The following LNPEP variants were observed in gnomAD, a reference collection of about 807,000 sequenced individuals.
LNPEP encodes the protein leucyl-cystinyl aminopeptidase.
In LNPEP, 64 loss-of-function variants were observed where a neutral mutation model predicts 120.6. The observed-to-expected ratio is 0.53, with a 90% CI of 0.43 to 0.65. The LOEUF is 0.65. Ranked by LOEUF, LNPEP falls within the 30% of genes least tolerant of loss-of-function variation. The probability of loss-of-function intolerance (pLI) is 0.00; values close to 1 mark genes in which losing one functional copy is unlikely to be tolerated. For missense variants in LNPEP, 1,057 were observed against 1,200.0 expected (o/e 0.88, Z 1.76); for synonymous variants, 435 against 425.4 (o/e 1.02, Z -0.28).
chr5:97,011,248 C>G (rs1231333867), intron 11 of LNPEP: 1 of 934,422 alleles, frequency 1.1e-6, no homozygotes, highest in Non-Finnish European at 1.3e-6. Flanking sequence ...TTATTAGAGA[C>G]AGGGTCCTGC....
chr5:97,012,695 A>T (rs1790967363), intron 11 of LNPEP, among the ~76,000 whole-genome samples: 1 of 152,168 alleles, frequency 6.6e-6, no homozygotes. Context: ...TTTCTTCATT[A>T]GCAGTTTTAA....
chr5:96,959,800 G>T (rs1451106046), intron 1 of LNPEP, among the ~76,000 whole-genome samples: 3 of 151,956 alleles, frequency 2.0e-5, no homozygotes, highest in African/African-American at 2.4e-5. Flanking sequence ...TAAAATTTTT[G>T]ATTATGAAAA....
At chr5:96,967,880 C>T (rs2112590039) in intron 1 of LNPEP, among the ~76,000 whole-genome samples, 1 of 152,236 alleles carries the variant, frequency 6.6e-6, no homozygotes, top group South Asian at 2.1e-4. Context: ...TTATGAACCT[C>T]TCCTTGGAGG....
chr5:97,028,343 G>A, intron 17 of LNPEP, 59 bp from the exon 18 acceptor site: 8 of 1,516,742 alleles, frequency 5.3e-6, no homozygotes, highest in South Asian at 3.4e-5. Flanking sequence ...AAAAGCTGGG[G>A]TTACCTGAGG....
chr5:96,948,421 ATTC>A, intron 1 of LNPEP, among the ~76,000 whole-genome samples: 1 of 152,206 alleles, frequency 6.6e-6, no homozygotes. Flanking sequence ...CCCAGCCCAG[ATTC>A]TTCTTGCATT....
At chr5:96,973,627 G>C (rs1247038016) in intron 1 of LNPEP, among the ~76,000 whole-genome samples, 3 of 152,068 alleles carry the variant, frequency 2.0e-5, no homozygotes, top group African/African-American at 7.2e-5. Context: ...GTATGTGGGA[G>C]GATATGCAAA....
intron 1 of LNPEP, among the ~76,000 whole-genome samples, chr5:96,959,163 G>A (rs533752570): frequency 1.4e-3 from 209 of 152,172 alleles, no homozygotes; most frequent in Middle Eastern, 3.4e-3. Context: ...GTCTGTAACC[G>A]TGTCCCTAGG....
intron 13 of LNPEP, among the ~76,000 whole-genome samples, chr5:97,015,967 A>C (rs1791058655): frequency 6.6e-6 from 1 of 152,094 alleles, no homozygotes; most frequent in Admixed American, 6.6e-5. Flanking sequence ...ACATATGTAC[A>C]CAACCTTCTT....
At chr5:97,026,815 A>G in intron 16 of LNPEP, 58 bp downstream of exon 16, 4 of 1,463,734 alleles carry the variant, frequency 2.7e-6, no homozygotes, top group Non-Finnish European at 3.8e-6. Flanking sequence ...ATTTGAAAAA[A>G]GCTCCCAGTG....
chr5:96,979,497 G>T lies in LNPEP; in HGVS notation c.379G>T (p.Val127Leu). The T allele has an allele frequency of 6.2e-7, 1 of 1,614,068 alleles. No individual in the cohort carries two copies. The highest frequency in any genetic ancestry group is 8.5e-7 in the Non-Finnish European group (1 of 1,179,964). ...VIVVAVSVIM[V>L]IYLLPRCTFT... ...CGTGGTTGCTGTTTCTGTAATCATG[G>T]TGATTTACTTACTGCCCAGATGTAC... The change falls in exon 2 of 18, where the codon GTG becomes TTG. Residue 127 changes from valine (V) to leucine (L), a missense_variant. Transcript: ENST00000231368.
intron 1 of LNPEP, among the ~76,000 whole-genome samples, chr5:96,973,650 A>T (rs948984970): frequency 6.6e-6 from 1 of 152,132 alleles, no homozygotes; most frequent in Non-Finnish European, 1.5e-5. Flanking sequence ...TTAGATGCAA[A>T]TATTACAGCA....
At chr5:97,010,243 T>A in intron 11 of LNPEP, 2 of 954,284 alleles carry the variant, frequency 2.1e-6, no homozygotes, top group Non-Finnish European at 2.5e-6. Flanking sequence ...CCTAAGATCT[T>A]TAACTATAGG....
chr5:96,962,547 C>G (rs1036771268), intron 1 of LNPEP: 2 of 151,980 alleles, frequency 1.3e-5, no homozygotes, highest in African/African-American at 4.8e-5. Context: ...GCAAACTGAG[C>G]TTGGAAAGAT....
At chr5:97,011,233 T>G in intron 11 of LNPEP, 1 of 977,766 alleles carries the variant, frequency 1.0e-6, no homozygotes, top group South Asian at 4.7e-5. Context: ...TCTTTACGTT[T>G]GTTTTTATTA....
At chr5:96,983,322 C>T (rs1276577649) in intron 2 of LNPEP, among the ~76,000 whole-genome samples, 2 of 152,062 alleles carry the variant, frequency 1.3e-5, no homozygotes, top group African/African-American at 4.8e-5. Context: ...ATATATTTGC[C>T]GTGATTATAG....
At position 97,035,139 on chromosome 5, in the gene LNPEP, T is replaced by C. The variant is rs1791547883; in HGVS notation, c.*6606T>C. ...TGCCTACAGGGGCAATAGTTTCATATCTTGGGTTTTTTATTGTTTAATTTT... is the reference window on the plus strand; with the variant it reads ...TGCCTACAGGGGCAATAGTTTCATACCTTGGGTTTTTTATTGTTTAATTTT... On this transcript the variant is annotated 3_prime_UTR_variant, in exon 18 of 18. Coordinates refer to ENST00000231368, the MANE Select transcript of LNPEP (RefSeq NM_005575.3). 6.6e-6 allele frequency: 1 copy of C among 152,092 alleles called. No individual in the cohort carries two copies. The highest frequency in any genetic ancestry group is 1.5e-5 in the Non-Finnish European group (1 of 67,976). The allele number at this position is 152,092 out of a possible 1,614,324, so 9.4% of individuals were successfully genotyped here.
intron 5 of LNPEP, among the ~76,000 whole-genome samples, chr5:96,993,561 T>C (rs538516279): frequency 2.6e-5 from 4 of 152,124 alleles, no homozygotes; most frequent in African/African-American, 4.8e-5. Context: ...GGGAAGCTGA[T>C]TGATTGTAAA....
Position 97,028,590 on chromosome 5 carries a change from C to A in LNPEP, c.*57C>A. On this transcript the variant is annotated 3_prime_UTR_variant, in exon 18 of 18. Transcript: ENST00000231368. ...TTCAGAGAGCTTGTAAGCTTGGGCT[C>A]TGCCGCTTTTGCAAAAGCCAAGGTA... 6.3e-7 allele frequency: 1 copy of A among 1,587,742 alleles called. No homozygotes were observed. The highest frequency in any genetic ancestry group is 8.6e-7 in the Non-Finnish European group (1 of 1,166,070).
chr5:97,011,652 G>A (rs533925675), intron 11 of LNPEP, among the ~76,000 whole-genome samples: 1 of 152,316 alleles, frequency 6.6e-6, no homozygotes, highest in Admixed American at 6.5e-5. Context: ...GCTAAAAATG[G>A]CTTCAACTTG....
Sources: allele counts gnomAD v4.1 joint callset (sites outside exome capture counted in the v4.1 genomes callset), GRCh38; gene constraint gnomAD v4.1.1; transcripts MANE v1.5; gene names NCBI Gene and HGNC (gene_info 2026-07-23, HGNC 2026-07-21).